RBFOX1: variants seen among roughly 807,000 people sequenced by gnomAD.
RBFOX1 encodes the protein RNA binding protein fox-1 homolog 1.
In RBFOX1, 8 loss-of-function variants were observed where a neutral mutation model predicts 57.7. The ratio of observed to expected loss-of-function variants is 0.14; its 90% CI spans 0.08 to 0.25. The LOEUF (loss-of-function observed/expected upper bound fraction) is 0.25. Ranked by LOEUF, RBFOX1 falls within the 10% of genes least tolerant of loss-of-function variation. The pLI, the probability that RBFOX1 is intolerant of heterozygous loss-of-function variation, is 1.00. For synonymous variants in RBFOX1, 326 were observed against 222.4 expected (o/e 1.47, Z -4.15); for missense variants, 611 against 548.5 (o/e 1.11, Z -1.14).
intron 2 of RBFOX1, among the ~76,000 whole-genome samples, chr16:5,523,444 G>A (rs1051685800): frequency 6.6e-6 from 1 of 151,154 alleles, no homozygotes; most frequent in African/African-American, 2.5e-5. Context: ...GTGAAACCCT[G>A]TCTTTACAAA....
chr16:7,430,852 G>A (rs1453233878), intron 4 of RBFOX1, among the ~76,000 whole-genome samples: 1 of 152,140 alleles, frequency 6.6e-6, no homozygotes, highest in African/African-American at 2.4e-5. Flanking sequence ...ATAGGAAGGG[G>A]GCTTGGTTAT....
intron 4 of RBFOX1, among the ~76,000 whole-genome samples, chr16:7,439,562 G>A (rs1361998687): frequency 1.3e-5 from 2 of 152,146 alleles, no homozygotes; most frequent in African/African-American, 4.8e-5. Context: ...CTTAAAGAAA[G>A]GCAACGAGGA....
chr16:5,679,927 C>A (rs2050279155), intron 3 of RBFOX1, among the ~76,000 whole-genome samples: 1 of 152,158 alleles, frequency 6.6e-6, no homozygotes, highest in Non-Finnish European at 1.5e-5. Context: ...GTGTTCTATT[C>A]ATGCTTCCTG....
At chr16:7,431,658 A>G (rs965064103) in intron 4 of RBFOX1, among the ~76,000 whole-genome samples, 22 of 152,212 alleles carry the variant, frequency 1.4e-4, no homozygotes, top group African/African-American at 5.3e-4. Context: ...GAACATTTTT[A>G]TTACTTCAAA....
At chr16:6,530,138 C>T (rs547660519) in intron 2 of RBFOX1, among the ~76,000 whole-genome samples, 2 of 152,226 alleles carry the variant, frequency 1.3e-5, no homozygotes, top group African/African-American at 2.4e-5. Flanking sequence ...TTCTTTCCTC[C>T]CCTTCTTTTA....
chr16:7,319,616 G>C (rs778031033), intron 4 of RBFOX1, among the ~76,000 whole-genome samples: 3 of 152,160 alleles, frequency 2.0e-5, no homozygotes, highest in African/African-American at 2.4e-5. Flanking sequence ...GGCCTCAGAA[G>C]AGATTTCAGC....
chr16:5,343,970 C>G (rs753399342), intron 1 of RBFOX1, among the ~76,000 whole-genome samples: 1 of 152,142 alleles, frequency 6.6e-6, no homozygotes, highest in African/African-American at 2.4e-5. Flanking sequence ...CATATGTAAC[C>G]AAGAGACTAG....
intron 4 of RBFOX1, among the ~76,000 whole-genome samples, chr16:5,880,850 T>G (rs1332808964): frequency 6.6e-6 from 1 of 152,248 alleles, no homozygotes. Flanking sequence ...AATTAAAACA[T>G]GATTCAGTCA....
intron 1 of RBFOX1, among the ~76,000 whole-genome samples, chr16:5,381,182 C>A: frequency 6.6e-6 from 1 of 152,132 alleles, no homozygotes; most frequent in East Asian, 1.9e-4. Flanking sequence ...ATTTGACAGC[C>A]TGGTCTTTAT....
At chr16:5,952,678 G>A (rs1031494766) in intron 4 of RBFOX1, among the ~76,000 whole-genome samples, 7 of 151,946 alleles carry the variant, frequency 4.6e-5, no homozygotes, top group Non-Finnish European at 1.0e-4. Flanking sequence ...TGATTCTCCC[G>A]CTTCAGAATG....
intron 1 of RBFOX1, among the ~76,000 whole-genome samples, chr16:5,373,757 C>G (rs1459965664): frequency 1.3e-5 from 2 of 151,734 alleles, no homozygotes; most frequent in Non-Finnish European, 2.9e-5. Context: ...GTGCCGACCA[C>G]CACACCCAGC....
intron 1 of RBFOX1, among the ~76,000 whole-genome samples, chr16:5,454,958 C>CTTTCTTTCTTTCTTTCTTT (rs1567535928): frequency 3.3e-5 from 1 of 30,422 alleles, no homozygotes; most frequent in African/African-American, 1.5e-4. Flanking sequence ...TTCCTTCCTT[C>CTTTCTTTCTTTCTTTCTTT]CTTTCTTTCT....
At chr16:7,295,165 C>T (rs1222658712) in intron 4 of RBFOX1, among the ~76,000 whole-genome samples, 1 of 152,172 alleles carries the variant, frequency 6.6e-6, no homozygotes, top group Non-Finnish European at 1.5e-5. Context: ...AGCTGGCATT[C>T]ATTTGATTCA....
chr16:5,863,770 C>T (rs2057282216), intron 3 of RBFOX1, among the ~76,000 whole-genome samples: 1 of 152,214 alleles, frequency 6.6e-6, no homozygotes. Context: ...GTACCACTCC[C>T]TGTTGCATCA....
intron 1 of RBFOX1, among the ~76,000 whole-genome samples, chr16:6,264,146 C>G (rs2097718557): frequency 6.6e-6 from 1 of 152,140 alleles, no homozygotes; most frequent in South Asian, 2.1e-4. Context: ...CTTTGGGTTC[C>G]TTTTCTTGCA....
chr16:6,698,092 T>G (rs879450618), intron 3 of RBFOX1, among the ~76,000 whole-genome samples: 1 of 152,234 alleles, frequency 6.6e-6, no homozygotes, highest in Non-Finnish European at 1.5e-5. Context: ...TTCAACTGTT[T>G]GGAAATCATA....
intron 10 of RBFOX1, 101 bp downstream of exon 10, chr16:7,607,439 A>C: frequency 9.5e-7 from 1 of 1,053,624 alleles, no homozygotes; most frequent in Non-Finnish European, 1.4e-6. Context: ...AAGCAAGTGA[A>C]TTCCTATCCT....
intron 4 of RBFOX1, among the ~76,000 whole-genome samples, chr16:7,375,333 T>G (rs2147616754): frequency 6.6e-6 from 1 of 152,290 alleles, no homozygotes; most frequent in African/African-American, 2.4e-5. Context: ...TCTAATGTGT[T>G]TTTGCTTCTG....
At chr16:6,915,304 G>A (rs933119407) in intron 3 of RBFOX1, among the ~76,000 whole-genome samples, 2 of 152,112 alleles carry the variant, frequency 1.3e-5, no homozygotes, top group East Asian at 3.9e-4. Flanking sequence ...TCTCTGTGTT[G>A]CGGACTAGGG....
Sources: gnomAD v4.1 joint callset for allele counts (sites outside exome capture counted in the v4.1 genomes callset) on GRCh38, gnomAD v4.1.1 for gene constraint, MANE v1.5 for transcripts, NCBI Gene and HGNC (gene_info 2026-07-23, HGNC 2026-07-21) for gene names.